Variants in NOL4L observed in about 807,000 individuals in gnomAD.
NOL4L encodes the protein nucleolar protein 4 like, also known as nucleolar protein 4-like.
NOL4L carries 7 observed loss-of-function variants against 64.5 expected under a neutral mutation model. The ratio of observed to expected loss-of-function variants is 0.11; its 90% confidence interval spans 0.06 to 0.20. The LOEUF (loss-of-function observed/expected upper bound fraction) is 0.20. Among genes scored for constraint, NOL4L ranks in the 10% least tolerant of loss-of-function variants. The pLI is 1.00. For missense variants in NOL4L, 680 were observed against 967.1 expected (o/e 0.70, Z 3.94); for synonymous variants, 413 against 401.0 (o/e 1.03, Z -0.36).
At chr20:32,521,707 TG>T (rs2017943031) in intron 2 of NOL4L, among the ~76,000 whole-genome samples, 1 of 152,102 alleles carries the variant, frequency 6.6e-6, no homozygotes, top group African/African-American at 2.4e-5. Context: ...GAAGTGGCTG[TG>T]GGCCTAGGTG....
chr20:32,452,272 G>C lies in NOL4L; in HGVS notation c.1786C>G (p.Pro596Ala). The change falls in exon 10 of 11, where the codon CCC becomes GCC. Residue 596 changes from proline (P) to alanine (A), a missense_variant. Transcript: ENST00000621426. ...TTTCCTGTTTGGAGGGAGGCAGGGG[G>C]CTGCAGGTTGCTGCTCAAGGCCCCG... ...GYGALSSNLQPPASLQTGNHS... is the reference protein window; with the variant it reads ...GYGALSSNLQAPASLQTGNHS... 1.3e-6 allele frequency: 2 copies of C among 1,590,062 alleles called. No homozygotes were observed. The highest frequency in any genetic ancestry group is 1.7e-6 in the Non-Finnish European group (2 of 1,166,286).
At chr20:32,512,050 A>G (rs7268325) in intron 3 of NOL4L, among the ~76,000 whole-genome samples, 1 of 151,958 alleles carries the variant, frequency 6.6e-6, no homozygotes, top group African/African-American at 2.4e-5. Flanking sequence ...ACCCACCCCC[A>G]CAACACACAC....
chr20:32,454,127 C>T (rs1053939124), intron 6 of NOL4L: 6 of 216,952 alleles, frequency 2.8e-5, no homozygotes, highest in Non-Finnish European at 5.6e-5. Context: ...AAAGGACTCC[C>T]ACCACCCGCC....
intron 2 of NOL4L, among the ~76,000 whole-genome samples, chr20:32,525,059 C>G (rs2018080599): frequency 6.6e-6 from 1 of 152,206 alleles, no homozygotes; most frequent in Non-Finnish European, 1.5e-5. Context: ...TGTGCCAGCT[C>G]CAGGCTGGGC....
chr20:32,575,991 T>C (rs1054155730), intron 1 of NOL4L, among the ~76,000 whole-genome samples: 1 of 152,190 alleles, frequency 6.6e-6, no homozygotes, highest in Non-Finnish European at 1.5e-5. Flanking sequence ...GTATTTGGCG[T>C]GTTTGGAGAA....
chr20:32,452,288 C>T lies in NOL4L; in HGVS notation c.1770G>A (p.Leu590=), dbSNP rs75184133. ...LNYSYRGYGA[L]SSNLQPPASL... is the part of the protein sequence containing the mutation. ...AGGCAGGGGGCTGCAGGTTGCTGCT[C>T]AAGGCCCCGTACCCGCGGTAACTGT... The change falls in exon 10 of 11, where the codon TTG becomes TTA. Residue 590 remains leucine, a synonymous_variant. Transcript: ENST00000621426. 5.3e-4 allele frequency: 852 copies of T among 1,603,378 alleles called. 3 individuals carry two copies. In the African/African-American group the frequency reaches 0.011, roughly 20 times the overall value.
intron 1 of NOL4L, among the ~76,000 whole-genome samples, chr20:32,554,001 T>C (rs916853884): frequency 6.6e-6 from 1 of 152,202 alleles, no homozygotes; most frequent in South Asian, 2.1e-4. Flanking sequence ...GACCCTACAA[T>C]AAACCATTTG....
intron 1 of NOL4L, among the ~76,000 whole-genome samples, chr20:32,571,594 C>G (rs1979749110): frequency 6.6e-6 from 1 of 152,170 alleles, no homozygotes; most frequent in Non-Finnish European, 1.5e-5. Flanking sequence ...CACCTTGCCC[C>G]TCCTAGGAGG....
Position 32,466,592 on chromosome 20 carries a change from G to C in NOL4L, c.841+8009C>G, listed in dbSNP as rs545238151. 7.9e-5 allele frequency among the ~76,000 whole-genome samples: 11 copies of C among 138,844 alleles called. No homozygotes were observed. The South Asian group carries it at 2.3e-3, about 29-fold the overall frequency. The allele number at this position is 138,844 out of a possible 152,430, so 91.1% of individuals were successfully genotyped here. On this transcript the variant is annotated intron_variant, in intron 5 of 10. Transcript: ENST00000621426. ...AGGGGAGGCCAGGAGGCCGCCGCCT[G>C]CTCATCTGTTGTGGGTATTTGGAGC...
chr20:32,584,968 T>C lies in NOL4L; in HGVS notation c.-78A>G, dbSNP rs1010488362. 39 of 849,234 alleles carry C rather than the reference T, an allele frequency of 4.6e-5. No individual in the cohort carries two copies. In the African/African-American group the frequency reaches 7.0e-4, roughly 15 times the overall value. The allele number at this position is 849,234 out of a possible 1,614,324, so 52.6% of individuals were successfully genotyped here. On this transcript the variant is annotated 5_prime_UTR_variant, in exon 1 of 11. Transcript: ENST00000621426. Reference sequence around the variant, plus strand: ...GTGCCGGGACTGGGCTGGGCTGGGCTGGACCGGGCCGGGACGCGCCGCGGC... The same window carrying C: ...GTGCCGGGACTGGGCTGGGCTGGGCCGGACCGGGCCGGGACGCGCCGCGGC...
In NOL4L at chr20:32,445,358, A is replaced by G. The variant is rs2012283483; in HGVS notation, c.*2238T>C. The G allele has an allele frequency of 6.6e-6, 1 of 152,224 alleles. No individual in the cohort carries two copies. Among genetic ancestry groups the G allele is most frequent in the African/African-American group, 2.4e-5 (1 of 41,448 alleles). The allele number at this position is 152,224 out of a possible 1,614,324, so 9.4% of individuals were successfully genotyped here. A position where few individuals can be genotyped will look rare whatever the true frequency, so the allele number is the denominator to read the frequency against. ...CTCACTCCTGTCTGCCAAGAAATGCAAACGGTTCATGTCTAGCTTGGGTAC... is the reference window on the plus strand; with the variant it reads ...CTCACTCCTGTCTGCCAAGAAATGCGAACGGTTCATGTCTAGCTTGGGTAC... On this transcript the variant is annotated 3_prime_UTR_variant, in exon 11 of 11. Coordinates refer to ENST00000621426, the MANE Select transcript of NOL4L (RefSeq NM_001256798.2).
chr20:32,464,787 T>G lies in NOL4L; in HGVS notation c.842-8392A>C, dbSNP rs113305003. 4,753 of 393,574 alleles carry G rather than the reference T, an allele frequency of 0.012. 218 individuals carry two copies. Among genetic ancestry groups the G allele is most frequent in the African/African-American group, 0.09 (4,361 of 48,596 alleles). 24.4% of individuals were successfully genotyped at this position (393,574 alleles called of 1,614,324 possible). A position where few individuals can be genotyped will look rare whatever the true frequency, so the allele number is the denominator to read the frequency against. On this transcript the variant is annotated intron_variant, in intron 5 of 10. Coordinates refer to ENST00000621426, the MANE Select transcript of NOL4L (RefSeq NM_001256798.2). The surrounding 1 kb of genome is among the most constrained non-coding windows in gnomAD (Gnocchi z 5.6). ...ATAAAGAAACAGGTGAAATCAATTT[T>G]AATAATCTACTTTATTTAACCCAAT...
chr20:32,579,019 T>C (rs1018563295), intron 1 of NOL4L, among the ~76,000 whole-genome samples: 2 of 152,198 alleles, frequency 1.3e-5, no homozygotes, highest in Non-Finnish European at 2.9e-5. Context: ...AGCCAGCTGC[T>C]GAGACTCCGG....
At chr20:32,556,403 T>A (rs1278953557) in intron 1 of NOL4L, among the ~76,000 whole-genome samples, 2 of 152,142 alleles carry the variant, frequency 1.3e-5, no homozygotes, top group Non-Finnish European at 2.9e-5. Flanking sequence ...AGGTGCCTCG[T>A]CCTCTGCTAC....
chr20:32,503,036 G>A (rs1005646057), intron 4 of NOL4L, among the ~76,000 whole-genome samples: 27 of 152,234 alleles, frequency 1.8e-4, no homozygotes, highest in Non-Finnish European at 3.7e-4. Flanking sequence ...TGGAAGGTCT[G>A]GGGGCACAAG....
intron 2 of NOL4L, among the ~76,000 whole-genome samples, chr20:32,523,009 C>T (rs778510674): frequency 6.6e-6 from 1 of 152,154 alleles, no homozygotes; most frequent in Non-Finnish European, 1.5e-5. Context: ...CTGCTGAGGG[C>T]TGCACACAGG....
chr20:32,569,005 A>G (rs1050755635), intron 1 of NOL4L, among the ~76,000 whole-genome samples: 1 of 152,212 alleles, frequency 6.6e-6, no homozygotes, highest in Non-Finnish European at 1.5e-5. Context: ...TAAAAAATAT[A>G]CACTGAGTGC....
intron 1 of NOL4L, among the ~76,000 whole-genome samples, chr20:32,581,679 T>C (rs1471247307): frequency 6.6e-6 from 1 of 152,078 alleles, no homozygotes; most frequent in Non-Finnish European, 1.5e-5. Context: ...CTTTATCCTG[T>C]CCTCAGCTAT....
chr20:32,573,039 C>CTTT (rs3078261), intron 1 of NOL4L, among the ~76,000 whole-genome samples: 2 of 142,212 alleles, frequency 1.4e-5, no homozygotes, highest in Admixed American at 1.4e-4. Context: ...GCATCCTTTT[C>CTTT]TTTTTTTTTT....
Sources: gnomAD v4.1 joint callset for allele counts (sites outside exome capture counted in the v4.1 genomes callset) on GRCh38, gnomAD v4.1.1 for gene constraint, Gnocchi (gnomAD v3.1) non-coding constraint, MANE v1.5 for transcripts, NCBI Gene and HGNC (gene_info 2026-07-23, HGNC 2026-07-21) for gene names.